Variants in ZNF713 observed in about 807,000 individuals in gnomAD.
ZNF713 encodes zinc finger protein 713.
ZNF713 carries 21 observed loss-of-function variants against 28.7 expected under a neutral mutation model. The observed-to-expected ratio is 0.73, with a 90% confidence interval of 0.52 to 1.05. ZNF713 has a LOEUF of 1.05. ZNF713 is among the 50% of genes least tolerant of loss of function. ZNF713 has a pLI of 0.00. For missense variants in ZNF713, 458 were observed against 532.4 expected (o/e 0.86, Z 1.37); for synonymous variants, 167 against 178.0 (o/e 0.94, Z 0.49).
intron 6 of ZNF713, among the ~76,000 whole-genome samples, chr7:55,938,128 C>T (rs536936961): frequency 1.4e-4 from 21 of 151,734 alleles, no homozygotes; most frequent in African/African-American, 3.4e-4. Flanking sequence ...TGCTTGAACC[C>T]GGGAGGTGGA....
At chr7:55,935,656 A>G (rs1293653230) in intron 6 of ZNF713, among the ~76,000 whole-genome samples, 1 of 152,150 alleles carries the variant, frequency 6.6e-6, no homozygotes, top group Non-Finnish European at 1.5e-5. Flanking sequence ...GAGCAAGGCT[A>G]TAAGAAAGAT....
chr7:55,908,848 T>C (rs1431009392), intron 2 of ZNF713, among the ~76,000 whole-genome samples: 4 of 152,132 alleles, frequency 2.6e-5, no homozygotes, highest in African/African-American at 7.2e-5. Flanking sequence ...AGGTTTCTTA[T>C]AGTTTCAGGT....
At chr7:55,919,490 GTTTT>G (rs55656709) in intron 4 of ZNF713, among the ~76,000 whole-genome samples, 117 of 66,708 alleles carry the variant, frequency 1.8e-3, no homozygotes, top group Middle Eastern at 7.0e-3. Flanking sequence ...AAACACTCCA[GTTTT>G]TTTTTTTTTT....
Position 55,939,711 on chromosome 7 carries a change from A to G in ZNF713, c.1037A>G (p.Gln346Arg). 1 of 1,614,148 alleles carries G rather than the reference A, an allele frequency of 6.2e-7. No individual in the cohort carries two copies. Residue 346 changes from glutamine to arginine, a missense_variant, in exon 7 of 7, where the codon CAA becomes CGA. Physicochemically the swap from Gln to Arg is conservative, Grantham distance 43 (BLOSUM62 1). Transcript: ENST00000429591. ...HTGEKPYKCN[Q>R]CGKAFSRITS... Reference sequence around the variant, plus strand: ...GGAGAAAAGCCCTATAAATGTAATCAATGTGGTAAAGCTTTTAGCCGCATC... The same window carrying G: ...GGAGAAAAGCCCTATAAATGTAATCGATGTGGTAAAGCTTTTAGCCGCATC...
intron 2 of ZNF713, among the ~76,000 whole-genome samples, chr7:55,910,001 T>TTA (rs1389615004): frequency 6.7e-6 from 1 of 150,092 alleles, no homozygotes; most frequent in Non-Finnish European, 1.5e-5. Context: ...GTATATACGT[T>TTA]TATGTGTGTG....
chr7:55,887,871 C>CGGCGGCGGCGGCGGCG (rs1562731858), intron 1 of ZNF713, among the ~76,000 whole-genome samples, 191 bp downstream of exon 1: 2 of 2,746 alleles, frequency 7.3e-4, no homozygotes, highest in Admixed American at 5.0e-3. Context: ...CGGGCGGCGG[C>CGGCGGCGGCGGCGGCG]GGCGGCGGCG....
At position 55,899,269 on chromosome 7, in the gene ZNF713, C is replaced by T. The variant is rs189943760; in HGVS notation, c.-582-6984C>T. Among the ~76,000 whole-genome samples the T allele has an allele frequency of 8.5e-3, 1,240 of 145,628 alleles. 15 individuals carry two copies. Among genetic ancestry groups the T allele is most frequent in the African/African-American group, 0.029 (1,143 of 39,362 alleles). ...TTGGGAGGCTGAGGCAGGAGAATGG[C>T]GTGAACCCGGGAGGTGGAGCTTGCA... On this transcript the variant is annotated intron_variant, in intron 1 of 6. Coordinates refer to ENST00000429591, the MANE Select transcript of ZNF713 (RefSeq NM_182633.3).
chr7:55,895,393 A>G (rs1785454929), intron 1 of ZNF713, among the ~76,000 whole-genome samples: 1 of 151,338 alleles, frequency 6.6e-6, no homozygotes, highest in African/African-American at 2.4e-5. Context: ...GAAGAGTTAG[A>G]ATTAAGATAT....
At chr7:55,923,090 CTT>C in intron 4 of ZNF713, 70 bp from the exon 5 acceptor site, 1 of 1,506,024 alleles carries the variant, frequency 6.6e-7, no homozygotes, top group African/African-American at 1.4e-5. Context: ...TGGTGCTACA[CTT>C]TCATTCCCTC....
chr7:55,900,647 T>C (rs780894280), intron 1 of ZNF713, among the ~76,000 whole-genome samples: 4 of 152,060 alleles, frequency 2.6e-5, no homozygotes, highest in Non-Finnish European at 5.9e-5. Flanking sequence ...TCTAAAAATG[T>C]TGAACTTGTA....
intron 6 of ZNF713, among the ~76,000 whole-genome samples, chr7:55,929,234 A>G (rs900563751): frequency 6.6e-6 from 1 of 152,202 alleles, no homozygotes; most frequent in Non-Finnish European, 1.5e-5. Context: ...TATCAAGAAA[A>G]TTCTGAAAAG....
Position 55,887,600 on chromosome 7 carries a change from C to CGCGGCGGCGGCGGCGGCGGAGGCGGCG in ZNF713, c.-644_-643insAGGCGGCGGCGGCGGCGGCGGCGGCGG, listed in dbSNP as rs1785268893. The CGCGGCGGCGGCGGCGGCGGAGGCGGCG allele has an allele frequency of 5.7e-6, 1 of 174,552 alleles. No individual in the cohort carries two copies. Among genetic ancestry groups the CGCGGCGGCGGCGGCGGCGGAGGCGGCG allele is most frequent in the South Asian group, 1.5e-4 (1 of 6,582 alleles). 10.8% of individuals were successfully genotyped at this position (174,552 alleles called of 1,614,324 possible). A position where few individuals can be genotyped will look rare whatever the true frequency, so the allele number is the denominator to read the frequency against. ...GGCACCTTCTCCCTCCCGGGTCCAC[C>CGCGGCGGCGGCGGCGGCGGAGGCGGCG]GCGGCGGCGGCGGCGGCGGCGGCGG... On this transcript the variant is annotated 5_prime_UTR_variant, in exon 1 of 7. Coordinates refer to ENST00000429591, the MANE Select transcript of ZNF713 (RefSeq NM_182633.3).
chr7:55,891,685 C>A (rs1176590983), intron 1 of ZNF713, among the ~76,000 whole-genome samples: 1 of 151,720 alleles, frequency 6.6e-6, no homozygotes, highest in African/African-American at 2.4e-5. Context: ...AAAGTGAGAT[C>A]CTGTCTCAAA....
intron 6 of ZNF713, among the ~76,000 whole-genome samples, chr7:55,932,254 C>T (rs895629049): frequency 1.3e-5 from 2 of 151,290 alleles, no homozygotes; most frequent in Non-Finnish European, 2.9e-5. Context: ...TGTGGCCAGG[C>T]GTGGTGGCTT....
At position 55,933,129 on chromosome 7, in the gene ZNF713, TG is replaced by T. The variant is rs564147955; in HGVS notation, c.308-5850del. On this transcript the variant is annotated intron_variant, in intron 6 of 6. Coordinates refer to ENST00000429591, the MANE Select transcript of ZNF713 (RefSeq NM_182633.3). ...GCAGGCGCCTGTGATCCCAGCTACTTGGGAGGCTGAGGCAGGAGAATAATTT... is the reference window on the plus strand; with the variant it reads ...GCAGGCGCCTGTGATCCCAGCTACTTGGAGGCTGAGGCAGGAGAATAATTT... Among the ~76,000 whole-genome samples, 4 of 149,642 alleles carry T rather than the reference TG, an allele frequency of 2.7e-5. No homozygotes were observed. The South Asian group carries it at 8.6e-4, about 32-fold the overall frequency.
At chr7:55,893,986 A>T (rs555854012) in intron 1 of ZNF713, among the ~76,000 whole-genome samples, 52 of 152,340 alleles carry the variant, frequency 3.4e-4, no homozygotes, top group South Asian at 2.5e-3. Context: ...GGAGAAGGCC[A>T]GAGAGAAACT....
chr7:55,907,997 G>A (rs939871220), intron 2 of ZNF713, among the ~76,000 whole-genome samples: 8 of 151,920 alleles, frequency 5.3e-5, no homozygotes, highest in Non-Finnish European at 5.9e-5. Flanking sequence ...TTGCTGGGTC[G>A]AAAGGTAATT....
intron 4 of ZNF713, among the ~76,000 whole-genome samples, chr7:55,922,240 A>G (rs1786006104): frequency 6.6e-6 from 1 of 151,996 alleles, no homozygotes; most frequent in Non-Finnish European, 1.5e-5. Context: ...TTGCTGTCTT[A>G]TATTAAGAAG....
At chr7:55,895,451 C>CTTTTTTTTTT (rs55972416) in intron 1 of ZNF713, among the ~76,000 whole-genome samples, 2 of 82,374 alleles carry the variant, frequency 2.4e-5, no homozygotes, top group East Asian at 3.5e-4. Flanking sequence ...CTGTTATACT[C>CTTTTTTTTTT]TTTTTTTTTT....
Sources: allele counts gnomAD v4.1 joint callset (sites outside exome capture counted in the v4.1 genomes callset), GRCh38; gene constraint gnomAD v4.1.1; transcripts MANE v1.5; gene names NCBI Gene and HGNC (gene_info 2026-07-23, HGNC 2026-07-21).